DLGAP1: variants seen among roughly 807,000 people sequenced by gnomAD.
DLGAP1 encodes the protein disks large-associated protein 1.
A neutral mutation model predicts 90.8 loss-of-function variants in DLGAP1; 11 were observed. The observed-to-expected ratio is 0.12, with a 90% confidence interval of 0.08 to 0.20. The LOEUF (loss-of-function observed/expected upper bound fraction) is 0.20. Among genes scored for constraint, DLGAP1 ranks in the 10% least tolerant of loss-of-function variants. The pLI is 1.00. For synonymous variants in DLGAP1, 558 were observed against 540.7 expected (o/e 1.03, Z -0.44); for missense variants, 1,050 against 1,333.8 (o/e 0.79, Z 3.31).
At chr18:3,553,706 G>A (rs375902217) in intron 9 of DLGAP1, among the ~76,000 whole-genome samples, 1 of 146,118 alleles carries the variant, frequency 6.8e-6, no homozygotes, top group African/African-American at 2.5e-5. Flanking sequence ...GCTAATTTTT[G>A]TATTTTTAGT....
chr18:4,044,843 A>G (rs986076167), intron 2 of DLGAP1, among the ~76,000 whole-genome samples: 1 of 152,174 alleles, frequency 6.6e-6, no homozygotes, highest in Non-Finnish European at 1.5e-5. Context: ...TCTCATGTCA[A>G]TTGTAATCCC....
intron 2 of DLGAP1, among the ~76,000 whole-genome samples, chr18:4,146,513 T>G (rs2076587517): frequency 6.6e-6 from 1 of 152,180 alleles, no homozygotes; most frequent in Non-Finnish European, 1.5e-5. Context: ...GGCACTAGAA[T>G]GGATTCCAGG....
At chr18:4,081,664 C>T (rs7227204) in intron 2 of DLGAP1, among the ~76,000 whole-genome samples, 41,484 of 152,094 alleles carry the variant, frequency 0.27, 5,934 homozygotes, top group Non-Finnish European at 0.31. Flanking sequence ...TAACTTAACT[C>T]ATATTGGAGG....
chr18:4,404,553 A>G (rs2144555940), intron 1 of DLGAP1, among the ~76,000 whole-genome samples: 1 of 152,378 alleles, frequency 6.6e-6, no homozygotes, highest in Non-Finnish European at 1.5e-5. Flanking sequence ...CATAAAGATG[A>G]AAACTAATTT....
chr18:3,555,154 G>A (rs970086394), intron 9 of DLGAP1, among the ~76,000 whole-genome samples: 8 of 152,146 alleles, frequency 5.3e-5, no homozygotes, highest in African/African-American at 1.9e-4. Context: ...AAAGAATTAA[G>A]TTAGAGACAG....
At chr18:3,685,304 A>G (rs149905304) in intron 7 of DLGAP1, among the ~76,000 whole-genome samples, 17,829 of 152,020 alleles carry the variant, frequency 0.12, 1,202 homozygotes, top group Non-Finnish European at 0.15. Flanking sequence ...GCTCATGCCT[A>G]TAATCCCAGC....
intron 1 of DLGAP1, among the ~76,000 whole-genome samples, chr18:4,175,784 T>C (rs1175566105): frequency 6.6e-6 from 1 of 152,190 alleles, no homozygotes; most frequent in Non-Finnish European, 1.5e-5. Flanking sequence ...TATATCTTTT[T>C]TGATACTATG....
chr18:4,334,852 T>C (rs2081035607), intron 1 of DLGAP1, among the ~76,000 whole-genome samples: 1 of 151,920 alleles, frequency 6.6e-6, no homozygotes, highest in South Asian at 2.1e-4. Context: ...AAATCATGAC[T>C]CTAGTAAGGC....
chr18:4,363,288 CA>C (rs2081672171), intron 1 of DLGAP1, among the ~76,000 whole-genome samples: 2 of 152,154 alleles, frequency 1.3e-5, no homozygotes, highest in African/African-American at 2.4e-5. Flanking sequence ...CGCACATACA[CA>C]GGGGAGACAC....
chr18:4,393,891 C>G (rs1476428390), intron 1 of DLGAP1, among the ~76,000 whole-genome samples: 1 of 152,142 alleles, frequency 6.6e-6, no homozygotes, highest in African/African-American at 2.4e-5. Flanking sequence ...GGTTTGCGCT[C>G]CTGTGAGAAT....
At chr18:3,742,236 C>T in intron 6 of DLGAP1, 99 bp downstream of exon 6, 1 of 1,408,066 alleles carries the variant, frequency 7.1e-7, no homozygotes, top group Non-Finnish European at 9.7e-7. Flanking sequence ...CAATGGTCTA[C>T]TGGATGAATG....
chr18:3,751,141 C>A (rs987764191), intron 5 of DLGAP1, among the ~76,000 whole-genome samples: 1 of 152,138 alleles, frequency 6.6e-6, no homozygotes, highest in African/African-American at 2.4e-5. Context: ...CTTTAATTAC[C>A]ACTAATAACC....
intron 3 of DLGAP1, among the ~76,000 whole-genome samples, chr18:3,982,251 A>G (rs2073747035): frequency 6.6e-6 from 1 of 152,172 alleles, no homozygotes. Context: ...TTCAGGATGC[A>G]GGTTTTGTTG....
At chr18:4,299,960 T>C (rs2080083640) in intron 1 of DLGAP1, among the ~76,000 whole-genome samples, 1 of 152,044 alleles carries the variant, frequency 6.6e-6, no homozygotes, top group Non-Finnish European at 1.5e-5. Context: ...AAATAATCGA[T>C]AGCTTTGCTA....
intron 7 of DLGAP1, among the ~76,000 whole-genome samples, chr18:3,726,841 T>A (rs12956677): frequency 1.2e-4 from 19 of 152,104 alleles, no homozygotes; most frequent in South Asian, 6.2e-4. Context: ...CCAAGAGAGT[T>A]GAAGGTGGAG....
chr18:3,532,056 T>C (rs1379834119), intron 10 of DLGAP1, among the ~76,000 whole-genome samples: 1 of 151,908 alleles, frequency 6.6e-6, no homozygotes, highest in Non-Finnish European at 1.5e-5. Flanking sequence ...TGTTTCACCA[T>C]ATTGGCTATG....
At chr18:3,987,360 A>C (rs935841332) in intron 3 of DLGAP1, among the ~76,000 whole-genome samples, 1 of 152,228 alleles carries the variant, frequency 6.6e-6, no homozygotes, top group Non-Finnish European at 1.5e-5. Context: ...TACCAAAAAA[A>C]AGTTTGGAAA....
intron 4 of DLGAP1, among the ~76,000 whole-genome samples, chr18:3,818,082 G>T (rs2067193455): frequency 6.6e-6 from 1 of 152,024 alleles, no homozygotes; most frequent in Non-Finnish European, 1.5e-5. Context: ...ACTAATACAG[G>T]TTAGATTTTA....
intron 1 of DLGAP1, among the ~76,000 whole-genome samples, chr18:4,199,883 T>A (rs2077576013): frequency 6.6e-6 from 1 of 152,208 alleles, no homozygotes; most frequent in Non-Finnish European, 1.5e-5. Context: ...TAGTGATAGT[T>A]TGGCTCCCCA....
Sources: gnomAD v4.1 joint callset for allele counts (sites outside exome capture counted in the v4.1 genomes callset) on GRCh38, gnomAD v4.1.1 for gene constraint, MANE v1.5 for transcripts, NCBI Gene and HGNC (gene_info 2026-07-23, HGNC 2026-07-21) for gene names.